Variants in AGBL4 observed in about 807,000 individuals in gnomAD.
AGBL4 encodes AGBL carboxypeptidase 4.
AGBL4 carries 58 observed loss-of-function variants against 66.4 expected under a neutral mutation model. That is an observed-to-expected ratio of 0.87 (90% confidence interval 0.71 to 1.09). The LOEUF is 1.09. Ranked by LOEUF, AGBL4 falls within the 50% of genes least tolerant of loss-of-function variation. The probability of loss-of-function intolerance (pLI) is 0.00; values close to 1 mark genes in which losing one functional copy is unlikely to be tolerated. For synonymous variants in AGBL4, 234 were observed against 222.9 expected (o/e 1.05, Z -0.44); for missense variants, 579 against 631.0 (o/e 0.92, Z 0.88).
chr1:49,738,305 T>C (rs1238827276), intron 2 of AGBL4, among the ~76,000 whole-genome samples: 3 of 152,188 alleles, frequency 2.0e-5, no homozygotes, highest in Non-Finnish European at 2.9e-5. Flanking sequence ...GCCCCGCTCA[T>C]TGCTAGCACA....
At chr1:50,008,521 T>C (rs1302738309) in intron 1 of AGBL4, among the ~76,000 whole-genome samples, 1 of 151,896 alleles carries the variant, frequency 6.6e-6, no homozygotes, top group Admixed American at 6.6e-5. Context: ...CTAGCAGTAC[T>C]AAGAGGAGAG....
At chr1:49,571,454 T>A (rs956948700) in intron 3 of AGBL4, among the ~76,000 whole-genome samples, 1 of 152,140 alleles carries the variant, frequency 6.6e-6, no homozygotes, top group African/African-American at 2.4e-5. Context: ...AATTCATTTA[T>A]CAATGCTAAG....
chr1:49,843,756 CT>C (rs1356871423), intron 2 of AGBL4, among the ~76,000 whole-genome samples: 2 of 152,154 alleles, frequency 1.3e-5, no homozygotes, highest in African/African-American at 2.4e-5. Context: ...CCAGTCACCC[CT>C]GGCTTACCTT....
intron 3 of AGBL4, among the ~76,000 whole-genome samples, chr1:49,303,046 C>T (rs1644784201): frequency 6.6e-6 from 1 of 152,044 alleles, no homozygotes; most frequent in Non-Finnish European, 1.5e-5. Flanking sequence ...ACCACATTTT[C>T]TTTATCCTAT....
At chr1:49,999,983 A>C (rs1448371999) in intron 1 of AGBL4, among the ~76,000 whole-genome samples, 1 of 152,162 alleles carries the variant, frequency 6.6e-6, no homozygotes, top group Admixed American at 6.5e-5. Flanking sequence ...AGATAACATC[A>C]GAAAAACCCT....
chr1:49,550,504 G>A (rs567635767), intron 3 of AGBL4, among the ~76,000 whole-genome samples: 27 of 152,210 alleles, frequency 1.8e-4, no homozygotes, highest in Admixed American at 8.5e-4. Flanking sequence ...TGATAGTGGC[G>A]AATTCTCTCA....
chr1:49,116,721 T>G (rs1645532066), intron 4 of AGBL4, among the ~76,000 whole-genome samples: 1 of 152,188 alleles, frequency 6.6e-6, no homozygotes, highest in South Asian at 2.1e-4. Flanking sequence ...TTTATAAACC[T>G]TTGGGTATAT....
chr1:48,541,944 A>G (rs1644078963), intron 11 of AGBL4, among the ~76,000 whole-genome samples: 1 of 152,092 alleles, frequency 6.6e-6, no homozygotes, highest in Non-Finnish European at 1.5e-5. Flanking sequence ...TGCACCCATC[A>G]ACCCATCATT....
At chr1:49,276,121 T>C (rs565645251) in intron 3 of AGBL4, among the ~76,000 whole-genome samples, 32 of 150,868 alleles carry the variant, frequency 2.1e-4, no homozygotes, top group East Asian at 5.8e-4. Context: ...TACATATATA[T>C]ACACACACAC....
At chr1:49,989,469 A>G (rs1302421806) in intron 1 of AGBL4, among the ~76,000 whole-genome samples, 1 of 152,206 alleles carries the variant, frequency 6.6e-6, no homozygotes, top group Non-Finnish European at 1.5e-5. Flanking sequence ...TGGTAGTTAC[A>G]TATCCAATAC....
intron 3 of AGBL4, among the ~76,000 whole-genome samples, chr1:49,537,455 A>G (rs957459163): frequency 1.3e-5 from 2 of 152,192 alleles, no homozygotes; most frequent in East Asian, 3.8e-4. Flanking sequence ...AACAACAAAC[A>G]ATCAAGTAAT....
At chr1:49,937,243 AG>A (rs1654168093) in intron 1 of AGBL4, among the ~76,000 whole-genome samples, 1 of 152,324 alleles carries the variant, frequency 6.6e-6, no homozygotes, top group Admixed American at 6.5e-5. Flanking sequence ...GAGACAAAAA[AG>A]GCCATTACAT....
intron 6 of AGBL4, among the ~76,000 whole-genome samples, chr1:48,771,606 T>C (rs1214234152): frequency 6.6e-6 from 1 of 152,218 alleles, no homozygotes; most frequent in African/African-American, 2.4e-5. Flanking sequence ...CAGCAAAACA[T>C]GTCAAAACCT....
At chr1:49,126,519 C>A (rs1364051961) in intron 4 of AGBL4, among the ~76,000 whole-genome samples, 1 of 152,100 alleles carries the variant, frequency 6.6e-6, no homozygotes, top group Non-Finnish European at 1.5e-5. Context: ...TTCATATAAA[C>A]TTAATCCTCA....
chr1:49,699,775 G>A (rs1422457458), intron 2 of AGBL4, among the ~76,000 whole-genome samples: 1 of 151,906 alleles, frequency 6.6e-6, no homozygotes, highest in African/African-American at 2.4e-5. Context: ...AGGTCAAAGA[G>A]TAGAAAATCA....
At position 48,960,029 on chromosome 1, in the gene AGBL4, T is replaced by C. The variant is rs563796144; in HGVS notation, c.594+85555A>G. 1.2e-4 allele frequency among the ~76,000 whole-genome samples: 18 copies of C among 152,200 alleles called. No individual in the cohort carries two copies. The South Asian group carries it at 3.7e-3, about 32-fold the overall frequency. On this transcript the variant is annotated intron_variant, in intron 5 of 13. Transcript: ENST00000371839. ...TGGCTTTCAGGTGTAAAATAAATCATAGTGAGTGTATATGAGGAAGAGCAG... is the reference window on the plus strand; with the variant it reads ...TGGCTTTCAGGTGTAAAATAAATCACAGTGAGTGTATATGAGGAAGAGCAG...
intron 6 of AGBL4, among the ~76,000 whole-genome samples, chr1:48,731,282 A>C (rs957889529): frequency 2.0e-5 from 3 of 152,184 alleles, no homozygotes; most frequent in African/African-American, 7.2e-5. Flanking sequence ...TAAAAAAAAA[A>C]AATCAACATT....
At chr1:48,771,922 C>T (rs11205538) in intron 6 of AGBL4, among the ~76,000 whole-genome samples, 105,549 of 152,146 alleles carry the variant, frequency 0.69, 37,117 homozygotes, top group African/African-American at 0.75. Context: ...ATGTTGACTT[C>T]TTCCAGATGA....
At chr1:49,067,831 T>C (rs890515510) in intron 4 of AGBL4, among the ~76,000 whole-genome samples, 6 of 152,192 alleles carry the variant, frequency 3.9e-5, no homozygotes, top group African/African-American at 1.4e-4. Flanking sequence ...TAGGTATACA[T>C]GTGCCATGTT....
Sources: gnomAD v4.1 joint callset for allele counts (sites outside exome capture counted in the v4.1 genomes callset) on GRCh38, gnomAD v4.1.1 for gene constraint, MANE v1.5 for transcripts, NCBI Gene and HGNC (gene_info 2026-07-23, HGNC 2026-07-21) for gene names.